The following TBC1D15 variants were observed in gnomAD, a reference collection of about 807,000 sequenced individuals.
TBC1D15 encodes TBC1 domain family member 15, also known as GAP for RAB7.
Under a neutral mutation model 95.4 loss-of-function variants are expected in TBC1D15, and 39 were observed. That is an observed-to-expected ratio of 0.41 (90% CI 0.32 to 0.53). The LOEUF is 0.53. Among genes scored for constraint, TBC1D15 ranks in the 20% least tolerant of loss-of-function variants. The probability of loss-of-function intolerance (pLI) is 0.29; values close to 1 mark genes in which losing one functional copy is unlikely to be tolerated. For missense variants in TBC1D15, 733 were observed against 794.3 expected (o/e 0.92, Z 0.93); for synonymous variants, 258 against 261.3 (o/e 0.99, Z 0.12).
intron 16 of TBC1D15, 102 bp from the exon 17 acceptor site, chr12:71,922,881 C>T: frequency 9.1e-7 from 1 of 1,099,260 alleles, no homozygotes; most frequent in Non-Finnish European, 1.3e-6. Flanking sequence ...AGGACAAATG[C>T]TCAGATTCTG....
intron 1 of TBC1D15, among the ~76,000 whole-genome samples, chr12:71,871,679 G>T (rs1892724520): frequency 6.6e-6 from 1 of 152,176 alleles, no homozygotes. Flanking sequence ...CTACAACCTT[G>T]AACTCCTGGG....
rs1870007654 is a variant in TBC1D15 at position 71,922,964 on chromosome 12, T to G, written c.1804-19T>G. On this transcript the variant is annotated intron_variant, in intron 16 of 16. Transcript: ENST00000485960. ...CTCTGTAGTGAAATATGGTTTTGAGTTTGATTTTTCATATCCAGGAATTGC... is the reference window on the plus strand; with the variant it reads ...CTCTGTAGTGAAATATGGTTTTGAGGTTGATTTTTCATATCCAGGAATTGC... The G allele has an allele frequency of 2.5e-6, 4 of 1,612,668 alleles. No individual in the cohort carries two copies. Among genetic ancestry groups the G allele is most frequent in the East Asian group, 2.2e-5 (1 of 44,850 alleles).
chr12:71,848,480 G>A (rs1254930007), intron 1 of TBC1D15, among the ~76,000 whole-genome samples: 1 of 151,846 alleles, frequency 6.6e-6, no homozygotes, highest in Non-Finnish European at 1.5e-5. Flanking sequence ...TGCTGTCCTT[G>A]TATCTTCTTT....
chr12:71,889,813 T>C (rs541251397), intron 5 of TBC1D15, among the ~76,000 whole-genome samples: 20 of 152,274 alleles, frequency 1.3e-4, no homozygotes, highest in Non-Finnish European at 2.2e-4. Context: ...TCAAGTAGGC[T>C]CTGGTGTCTG....
At chr12:71,864,642 G>A (rs1891099655) in intron 1 of TBC1D15, among the ~76,000 whole-genome samples, 1 of 152,118 alleles carries the variant, frequency 6.6e-6, no homozygotes, top group South Asian at 2.1e-4. Flanking sequence ...GGGTAGCTGG[G>A]ATTACAGGCG....
chr12:71,844,774 C>G (rs1236803221), intron 1 of TBC1D15, among the ~76,000 whole-genome samples: 1 of 152,172 alleles, frequency 6.6e-6, no homozygotes, highest in East Asian at 1.9e-4. Flanking sequence ...AAAATGGTAC[C>G]TCATTCAGGA....
At position 71,920,719 on chromosome 12, in the gene TBC1D15, T is replaced by C; in HGVS notation, c.1600-12T>C. ...GATACAATTTGCAAAATAGTTCTTC[T>C]GCCTTCTATAGGTAATGTGGACCGA... On this transcript the variant is annotated splice_polypyrimidine_tract_variant and intron_variant, in intron 14 of 16. Coordinates refer to ENST00000485960, the MANE Select transcript of TBC1D15 (RefSeq NM_001146213.3). 6.3e-7 allele frequency: 1 copy of C among 1,593,124 alleles called. No individual in the cohort carries two copies. The highest frequency in any genetic ancestry group is 1.1e-5 in the South Asian group (1 of 89,974).
At chr12:71,849,387 G>C in intron 1 of TBC1D15, 12 of 1,389,662 alleles carry the variant, frequency 8.6e-6, no homozygotes, top group Non-Finnish European at 1.2e-5. Flanking sequence ...GGCGCCTCCA[G>C]CTGAGCCACT....
intron 3 of TBC1D15, among the ~76,000 whole-genome samples, chr12:71,879,102 A>G (rs10161072): frequency 0.017 from 2,606 of 151,758 alleles, 79 homozygotes; most frequent in African/African-American, 0.06. Flanking sequence ...CTGCTTGACT[A>G]GAGTCTTTTC....
intron 1 of TBC1D15, chr12:71,850,149 CAT>C (rs566545247): frequency 5.5e-6 from 3 of 549,422 alleles, no homozygotes; most frequent in Non-Finnish European, 1.1e-5. Flanking sequence ...TCATGATAAT[CAT>C]ATTATTTCTG....
At position 71,894,806 on chromosome 12, in the gene TBC1D15, G is replaced by C; in HGVS notation, c.778G>C (p.Ala260Pro). The C allele has an allele frequency of 6.2e-7, 1 of 1,613,230 alleles. No homozygotes were observed. Among genetic ancestry groups the C allele is most frequent in the Non-Finnish European group, 8.5e-7 (1 of 1,179,378 alleles). The part of the protein sequence containing the change: ...STHQRPPSEM[A>P]DFLSDAIPGL... Reference sequence around the variant, plus strand: ...ACATCAACGACCACCTTCAGAAATGGCAGATTTTCTTAGTGATGCTATTCC... The same window carrying C: ...ACATCAACGACCACCTTCAGAAATGCCAGATTTTCTTAGTGATGCTATTCC... Residue 260 changes from alanine to proline, a missense_variant, in exon 7 of 17, where the codon GCA becomes CCA. By Grantham distance (27) the Ala-to-Pro change is conservative. Transcript: ENST00000485960.
Position 71,885,016 on chromosome 12 carries a change from G to T in TBC1D15, c.549G>T (p.Leu183Phe). Residue 183 changes from leucine (L) to phenylalanine (F), a missense_variant, in exon 5 of 17, where the codon TTG becomes TTT. Transcript: ENST00000485960. The part of the protein sequence containing the change: ...LIESLEKYVV[L>F]CESPQDKRTL... ...AATCTCTTGAAAAATATGTGGTATT[G>T]TGTGAGTAAGTATCATATTATTTTC... 6.2e-7 allele frequency: 1 copy of T among 1,612,868 alleles called. No homozygotes were observed. The highest frequency in any genetic ancestry group is 1.1e-5 in the South Asian group (1 of 91,056).
chr12:71,879,135 C>CTT (rs370132097), intron 3 of TBC1D15, among the ~76,000 whole-genome samples: 4 of 144,642 alleles, frequency 2.8e-5, no homozygotes, highest in Non-Finnish European at 1.5e-5. Flanking sequence ...CTCTCTCTCT[C>CTT]TTTTTTTTTT....
chr12:71,847,817 G>A (rs555945750), intron 1 of TBC1D15, among the ~76,000 whole-genome samples: 13 of 152,216 alleles, frequency 8.5e-5, no homozygotes, highest in African/African-American at 3.1e-4. Flanking sequence ...CTGCTCTTAG[G>A]CCAGGTGCCG....
intron 13 of TBC1D15, 137 bp from the exon 14 acceptor site, chr12:71,918,314 T>A (rs1566079926): frequency 1.9e-6 from 1 of 528,994 alleles, no homozygotes; most frequent in South Asian, 3.4e-5. Flanking sequence ...AAGTTTGAAA[T>A]GATTCCTTAA....
At chr12:71,843,683 C>A (rs991330162) in intron 1 of TBC1D15, among the ~76,000 whole-genome samples, 3 of 152,096 alleles carry the variant, frequency 2.0e-5, no homozygotes, top group African/African-American at 2.4e-5. Flanking sequence ...CAGTCTTGCT[C>A]TGTCACCCAG....
intron 1 of TBC1D15, among the ~76,000 whole-genome samples, chr12:71,857,890 A>G (rs1889458768): frequency 6.6e-6 from 1 of 152,044 alleles, no homozygotes; most frequent in Admixed American, 6.5e-5. Flanking sequence ...TCTACTTTCT[A>G]CTTCGTTGAA....
At position 71,916,570 on chromosome 12, in the gene TBC1D15, TATG is replaced by T. The variant is rs1323799154; in HGVS notation, c.1402-1125_1402-1123del. ...TTTTTTAAGAATGAATTGTTTCTAA[TATG>T]ATAGTTCTAATAAAGCACTATTGTA... On this transcript the variant is annotated intron_variant, in intron 12 of 16. Transcript: ENST00000485960. Among the ~76,000 whole-genome samples the T allele has an allele frequency of 3.9e-5, 6 of 152,328 alleles. No individual in the cohort carries two copies. The East Asian group carries it at 5.8e-4, about 15-fold the overall frequency.
chr12:71,923,293 A>G lies in TBC1D15; in HGVS notation c.*89A>G, dbSNP rs1029194311. 3 of 1,214,774 alleles carry G rather than the reference A, an allele frequency of 2.5e-6. No individual in the cohort carries two copies. Among genetic ancestry groups the G allele is most frequent in the African/African-American group, 1.5e-5 (1 of 67,018 alleles). 75.2% of individuals were successfully genotyped at this position (1,214,774 alleles called of 1,614,324 possible). A position where few individuals can be genotyped will look rare whatever the true frequency, so the allele number is the denominator to read the frequency against. On this transcript the variant is annotated 3_prime_UTR_variant, in exon 17 of 17. Transcript: ENST00000485960. ...TTGAAAATTTGAAATCTTGGTATTG[A>G]TCATGCTTTAAGGTTTATGTAAAGA...
Sources: allele counts gnomAD v4.1 joint callset (sites outside exome capture counted in the v4.1 genomes callset), GRCh38; gene constraint gnomAD v4.1.1; transcripts MANE v1.5; gene names NCBI Gene and HGNC (gene_info 2026-07-23, HGNC 2026-07-21).